The following ERLEC1 variants were observed in gnomAD, a reference collection of about 807,000 sequenced individuals.
ERLEC1 encodes endoplasmic reticulum lectin 1.
ERLEC1 carries 47 observed loss-of-function variants against 68.0 expected under a neutral mutation model. That is an observed-to-expected ratio of 0.69 (90% CI 0.55 to 0.88). The LOEUF (loss-of-function observed/expected upper bound fraction) is 0.88. Ranked by LOEUF, ERLEC1 falls within the 40% of genes least tolerant of loss-of-function variation. The pLI is 0.00. For missense variants in ERLEC1, 567 were observed against 583.8 expected (o/e 0.97, Z 0.30); for synonymous variants, 225 against 203.2 (o/e 1.11, Z -0.91).
At chr2:53,814,484 A>G in intron 11 of ERLEC1, 59 bp from the exon 12 acceptor site, 2 of 1,248,766 alleles carry the variant, frequency 1.6e-6, no homozygotes, top group South Asian at 1.3e-5. Flanking sequence ...CCTACCCATT[A>G]CAATTATTCT....
In ERLEC1 at chr2:53,797,416, CTGAAA is replaced by C. The variant is rs374262663; in HGVS notation, c.349-97_349-93del. 2.1e-3 allele frequency: 1,699 copies of C among 808,544 alleles called. 31 individuals are homozygous for C. The South Asian group carries it at 0.03, about 14-fold the overall frequency. 50.1% of individuals were successfully genotyped at this position (808,544 alleles called of 1,614,324 possible). Reference sequence around the variant, plus strand: ...AAGTGTCATTTAATGAAAGCTTACTCTGAAATCTTAGGGGAAGTCTCAGCTGCTTC... The same window carrying C: ...AAGTGTCATTTAATGAAAGCTTACTCTCTTAGGGGAAGTCTCAGCTGCTTC... On this transcript the variant is annotated intron_variant, in intron 3 of 13. Transcript: ENST00000185150.
chr2:53,815,099 A>C (rs1573109778), intron 13 of ERLEC1, among the ~76,000 whole-genome samples, 164 bp downstream of exon 13: 1 of 140,606 alleles, frequency 7.1e-6, no homozygotes, highest in Non-Finnish European at 1.5e-5. Flanking sequence ...TCTGCCTCCC[A>C]GGTTCAAGCA....
intron 1 of ERLEC1, among the ~76,000 whole-genome samples, chr2:53,791,799 T>C (rs1573063070): frequency 6.6e-6 from 1 of 152,056 alleles, no homozygotes; most frequent in East Asian, 1.9e-4. Flanking sequence ...TAGCAAATCG[T>C]TGGCACAATT....
At chr2:53,795,205 A>G (rs1402491817) in intron 2 of ERLEC1, among the ~76,000 whole-genome samples, 2 of 152,198 alleles carry the variant, frequency 1.3e-5, no homozygotes, top group Non-Finnish European at 1.5e-5. Context: ...AAGATGAAAC[A>G]GGAGAGGCAG....
intron 8 of ERLEC1, among the ~76,000 whole-genome samples, chr2:53,807,345 C>A (rs1286894692): frequency 3.3e-5 from 5 of 152,090 alleles, no homozygotes; most frequent in Non-Finnish European, 7.4e-5. Context: ...TATTTCAGTT[C>A]TTGGTCAAAG....
intron 12 of ERLEC1, 115 bp downstream of exon 12, chr2:53,814,735 A>G: frequency 1.0e-6 from 1 of 999,812 alleles, no homozygotes. Context: ...TACCATTTAA[A>G]TTATTGATAA....
At chr2:53,810,732 C>T (rs1459429333) in intron 10 of ERLEC1, among the ~76,000 whole-genome samples, 1 of 152,188 alleles carries the variant, frequency 6.6e-6, no homozygotes, top group African/African-American at 2.4e-5. Flanking sequence ...AATGAGGCAT[C>T]CATAGACTAG....
intron 3 of ERLEC1, among the ~76,000 whole-genome samples, chr2:53,796,760 TAATA>T (rs1456269270): frequency 6.6e-6 from 1 of 152,156 alleles, no homozygotes; most frequent in Non-Finnish European, 1.5e-5. Context: ...AGTTATTTCT[TAATA>T]ATATCTTATT....
chr2:53,814,852 T>G lies in ERLEC1; in HGVS notation c.1305-8T>G, dbSNP rs375960778. ...TTGGACAGTACCTTAAAGTGCTCTC[T>G]GTTTTAGGTGCAAAGAATCAGATTC... On this transcript the variant is annotated splice_region_variant and splice_polypyrimidine_tract_variant and intron_variant, in intron 12 of 13. Transcript: ENST00000185150. The G allele has an allele frequency of 6.3e-7, 1 of 1,598,366 alleles. No homozygotes were observed. Among genetic ancestry groups the G allele is most frequent in the East Asian group, 2.2e-5 (1 of 44,566 alleles).
chr2:53,803,944 C>A (rs556593015), intron 8 of ERLEC1, among the ~76,000 whole-genome samples: 2 of 152,282 alleles, frequency 1.3e-5, no homozygotes, highest in East Asian at 3.9e-4. Flanking sequence ...GCCTGGCCAA[C>A]CTGGCAAAAC....
chr2:53,794,803 C>T (rs1314781827), intron 2 of ERLEC1, among the ~76,000 whole-genome samples: 6 of 152,008 alleles, frequency 3.9e-5, no homozygotes, highest in Admixed American at 2.0e-4. Flanking sequence ...TACAGGCACA[C>T]ACCACCACAC....
At chr2:53,788,018 G>C (rs1398951511) in intron 1 of ERLEC1, among the ~76,000 whole-genome samples, 1 of 152,148 alleles carries the variant, frequency 6.6e-6, no homozygotes, top group Non-Finnish European at 1.5e-5. Flanking sequence ...TTTTCCTGTA[G>C]TGAAGAACAT....
chr2:53,801,371 T>C (rs755210334), intron 6 of ERLEC1, 26 bp from the exon 7 acceptor site: 1 of 1,580,056 alleles, frequency 6.3e-7, no homozygotes, highest in Non-Finnish European at 8.7e-7. Flanking sequence ...TAATGAAAAG[T>C]CTGTCTTATA....
chr2:53,787,341 G>T lies in ERLEC1; in HGVS notation c.131G>T (p.Arg44Leu). Residue 44 changes from arginine to leucine, a missense_variant, in exon 1 of 14, where the codon CGA (arginine) becomes CTA (leucine). Transcript: ENST00000185150. ...CAACTCAGCGATGACATCCCTTTCCGAGTCAACTGGCCCGGCACCGAGTTC... is the reference window on the plus strand; with the variant it reads ...CAACTCAGCGATGACATCCCTTTCCTAGTCAACTGGCCCGGCACCGAGTTC... ...LPQLSDDIPFRVNWPGTEFSL... is the reference protein window; with the variant it reads ...LPQLSDDIPFLVNWPGTEFSL... The T allele has an allele frequency of 6.2e-7, 1 of 1,611,902 alleles. No homozygotes were observed.
chr2:53,808,208 T>A, intron 8 of ERLEC1, 91 bp from the exon 9 acceptor site: 1 of 1,369,192 alleles, frequency 7.3e-7, no homozygotes, highest in Non-Finnish European at 9.9e-7. Context: ...TTTCAAATTT[T>A]CTGCAGTTTA....
At chr2:53,812,402 G>T (rs1297302886) in intron 10 of ERLEC1, among the ~76,000 whole-genome samples, 2 of 152,170 alleles carry the variant, frequency 1.3e-5, no homozygotes, top group Non-Finnish European at 2.9e-5. Context: ...AGCAGAATGG[G>T]AAAAGGGGTT....
In ERLEC1 at chr2:53,801,428, C is replaced by T. The variant is rs984769883; in HGVS notation, c.557C>T (p.Thr186Ile). ...ACTAAAAATATCGAAGGTCAGATGACACCATACTATCCTGTGGGAATGGGA... is the reference window on the plus strand; with the variant it reads ...ACTAAAAATATCGAAGGTCAGATGATACCATACTATCCTGTGGGAATGGGA... ...IPTKNIEGQM[T>I]PYYPVGMGNG... The change falls in exon 7 of 14, where the codon ACA becomes ATA. Residue 186 changes from threonine (T) to isoleucine (I), a missense_variant. By Grantham distance (89) the Thr-to-Ile change is moderately conservative. Transcript: ENST00000185150. 6.8e-6 allele frequency: 11 copies of T among 1,613,712 alleles called. No homozygotes were observed. The highest frequency in any genetic ancestry group is 1.3e-5 in the African/African-American group (1 of 74,866).
chr2:53,799,005 A>T, intron 5 of ERLEC1, 42 bp from the exon 6 acceptor site: 1 of 1,593,892 alleles, frequency 6.3e-7, no homozygotes, highest in Non-Finnish European at 8.6e-7. Context: ...TGTACCACAT[A>T]TGTCACTGCT....
In ERLEC1 at chr2:53,801,693, G is replaced by A. The variant is rs764255409; in HGVS notation, c.750-20G>A. 1 of 1,613,890 alleles carries A rather than the reference G, an allele frequency of 6.2e-7. No homozygotes were observed. The highest frequency in any genetic ancestry group is 1.1e-5 in the South Asian group (1 of 91,046). On this transcript the variant is annotated intron_variant, in intron 7 of 13. Coordinates refer to ENST00000185150, the MANE Select transcript of ERLEC1 (RefSeq NM_015701.5). The stretch of plus-strand genomic sequence containing the variant: ...AAAGTGTTCTGTGCATAGCTTTAAT[G>A]CTTTGTTCCTACTGAACAGGTTCAG...
Sources: allele counts gnomAD v4.1 joint callset (sites outside exome capture counted in the v4.1 genomes callset), GRCh38; gene constraint gnomAD v4.1.1; transcripts MANE v1.5; gene names NCBI Gene and HGNC (gene_info 2026-07-23, HGNC 2026-07-21).